The following PTPRO variants were observed in gnomAD, a reference collection of about 807,000 sequenced individuals.
PTPRO encodes the protein protein tyrosine phosphatase receptor type O, also known as receptor-type tyrosine-protein phosphatase O.
A neutral mutation model predicts 145.2 loss-of-function variants in PTPRO; 62 were observed. That is an observed-to-expected ratio of 0.43 (90% CI 0.35 to 0.53). The LOEUF is 0.53. Among genes scored for constraint, PTPRO ranks in the 20% least tolerant of loss-of-function variants. PTPRO has a pLI of 0.01. For missense variants in PTPRO, 1,345 were observed against 1,482.7 expected, an observed-to-expected ratio of 0.91 and a Z score of 1.53; for synonymous variants, 565 against 514.7, an observed-to-expected ratio of 1.10 and a Z score of -1.32.
rs183029225 is a variant in PTPRO at position 15,574,128 on chromosome 12, T to C, written c.2829+4630T>C. Reference sequence around the variant, plus strand: ...TTGCAGATTGAAACTAATGTCTGGATTTATAGATACTACCAATACAGCCAT... The same window carrying C: ...TTGCAGATTGAAACTAATGTCTGGACTTATAGATACTACCAATACAGCCAT... On this transcript the variant is annotated intron_variant, in intron 19 of 26. Transcript: ENST00000281171. 1.2e-3 allele frequency among the ~76,000 whole-genome samples: 179 copies of C among 152,358 alleles called. 2 individuals are homozygous for C. In the East Asian group the frequency reaches 0.029, roughly 25 times the overall value.
At chr12:15,359,721 C>A (rs967615774) in intron 1 of PTPRO, among the ~76,000 whole-genome samples, 8 of 152,122 alleles carry the variant, frequency 5.3e-5, no homozygotes, top group Non-Finnish European at 8.8e-5. Flanking sequence ...AGCCACCGCA[C>A]CAGGCCATTG....
chr12:15,530,998 A>G (rs1942951842), intron 12 of PTPRO, among the ~76,000 whole-genome samples: 1 of 152,102 alleles, frequency 6.6e-6, no homozygotes, highest in Admixed American at 6.6e-5. Flanking sequence ...AAAAGAGAGA[A>G]GACCCAAAGA....
intron 15 of PTPRO, 62 bp from the exon 16 acceptor site, chr12:15,557,393 T>C: frequency 7.2e-7 from 1 of 1,390,734 alleles, no homozygotes. Flanking sequence ...TCTTTACTTT[T>C]AGGTCAACGT....
At chr12:15,353,203 C>G (rs1228996080) in intron 1 of PTPRO, among the ~76,000 whole-genome samples, 1 of 152,114 alleles carries the variant, frequency 6.6e-6, no homozygotes, top group African/African-American at 2.4e-5. Context: ...CACCCACCTA[C>G]CCACTCATCT....
chr12:15,412,369 G>A (rs1345317581), intron 1 of PTPRO, among the ~76,000 whole-genome samples: 1 of 152,206 alleles, frequency 6.6e-6, no homozygotes, highest in African/African-American at 2.4e-5. Context: ...TTAAAATGCT[G>A]TAAAATAAAA....
chr12:15,369,977 G>A (rs551685676), intron 1 of PTPRO, among the ~76,000 whole-genome samples: 99 of 152,178 alleles, frequency 6.5e-4, no homozygotes, highest in African/African-American at 2.0e-3. Context: ...GCTTGAACCC[G>A]GGAAGTGGAG....
At chr12:15,511,842 G>A (rs1396920199) in intron 7 of PTPRO, among the ~76,000 whole-genome samples, 3 of 152,164 alleles carry the variant, frequency 2.0e-5, no homozygotes, top group African/African-American at 7.2e-5. Context: ...GGGATTACAG[G>A]CGTGAGCCAC....
At chr12:15,333,469 T>TCC (rs1473288846) in intron 1 of PTPRO, among the ~76,000 whole-genome samples, 1 of 152,206 alleles carries the variant, frequency 6.6e-6, no homozygotes, top group Non-Finnish European at 1.5e-5. Context: ...TATGGTAATG[T>TCC]CCAGTGAACA....
At chr12:15,583,203 T>A (rs558883709) in intron 23 of PTPRO, among the ~76,000 whole-genome samples, 7 of 152,204 alleles carry the variant, frequency 4.6e-5, no homozygotes, top group African/African-American at 1.7e-4. Context: ...AAAAGACAAC[T>A]GAGTATGGTG....
At chr12:15,452,348 CA>C (rs1299235082) in intron 1 of PTPRO, among the ~76,000 whole-genome samples, 5 of 150,974 alleles carry the variant, frequency 3.3e-5, no homozygotes, top group Non-Finnish European at 4.4e-5. Flanking sequence ...TGAAATGGTA[CA>C]AAAAAAAATT....
In PTPRO at chr12:15,544,412, G is replaced by A. The variant is rs146337176; in HGVS notation, c.2165-2157G>A. Among the ~76,000 whole-genome samples, 630 of 147,102 alleles carry A rather than the reference G, an allele frequency of 4.3e-3. 5 individuals are homozygous for A. Among genetic ancestry groups the A allele is most frequent in the African/African-American group, 0.015 (603 of 39,980 alleles). On this transcript the variant is annotated intron_variant, in intron 12 of 26. Transcript: ENST00000281171. ...CTCAGCTACTCAGGAGGCTGAGGCAGGAGAATTTTTTGAACCCGGGAGGCA... is the reference window on the plus strand; with the variant it reads ...CTCAGCTACTCAGGAGGCTGAGGCAAGAGAATTTTTTGAACCCGGGAGGCA...
At chr12:15,585,761 T>A (rs930695543) in intron 23 of PTPRO, among the ~76,000 whole-genome samples, 3 of 152,160 alleles carry the variant, frequency 2.0e-5, no homozygotes, top group African/African-American at 7.2e-5. Context: ...GAGGGATGAA[T>A]CAGACCTTTA....
intron 1 of PTPRO, among the ~76,000 whole-genome samples, chr12:15,360,698 T>C (rs1938148360): frequency 6.6e-6 from 1 of 151,532 alleles, no homozygotes; most frequent in Non-Finnish European, 1.5e-5. Flanking sequence ...TATATTTATA[T>C]GTGTTTAAAC....
chr12:15,543,974 G>A (rs1943227593), intron 12 of PTPRO, among the ~76,000 whole-genome samples: 1 of 152,184 alleles, frequency 6.6e-6, no homozygotes, highest in Non-Finnish European at 1.5e-5. Flanking sequence ...TGGATAGCAT[G>A]CAGCCAGTTT....
intron 2 of PTPRO, among the ~76,000 whole-genome samples, chr12:15,484,622 G>T (rs956468680): frequency 9.9e-5 from 15 of 152,046 alleles, no homozygotes; most frequent in African/African-American, 2.9e-4. Flanking sequence ...TCAGTTTGGG[G>T]ACAATGAACT....
rs1940612733 is a variant in PTPRO, at chr12:15,436,962, C to T, written c.76-47012C>T. Among the ~76,000 whole-genome samples the T allele has an allele frequency of 2.0e-5, 3 of 152,144 alleles. No individual in the cohort carries two copies. In the South Asian group the frequency reaches 6.2e-4, roughly 32 times the overall value. ...CAATCTGGAACTGATCTGTGTGTGCCATTGCTGAGTGCCCCATCCTCCTCC... is the reference window on the plus strand; with the variant it reads ...CAATCTGGAACTGATCTGTGTGTGCTATTGCTGAGTGCCCCATCCTCCTCC... On this transcript the variant is annotated intron_variant, in intron 1 of 26. Transcript: ENST00000281171.
At chr12:15,330,271 T>C (rs145057016) in intron 1 of PTPRO, among the ~76,000 whole-genome samples, 2 of 152,256 alleles carry the variant, frequency 1.3e-5, no homozygotes, top group Non-Finnish European at 2.9e-5. Context: ...TGACAGACAG[T>C]CAAAGAGTGG....
At chr12:15,540,216 G>A (rs186676315) in intron 12 of PTPRO, among the ~76,000 whole-genome samples, 19 of 152,312 alleles carry the variant, frequency 1.2e-4, no homozygotes, top group African/African-American at 4.6e-4. Context: ...TTACATTGCA[G>A]ATGCTTCCTT....
chr12:15,526,026 C>T, intron 11 of PTPRO, 116 bp from the exon 12 acceptor site: 1 of 1,299,690 alleles, frequency 7.7e-7, no homozygotes. Flanking sequence ...TAATCAATTG[C>T]AGACTGCTGC....
Sources: allele counts gnomAD v4.1 joint callset (sites outside exome capture counted in the v4.1 genomes callset), GRCh38; gene constraint gnomAD v4.1.1; transcripts MANE v1.5; gene names NCBI Gene and HGNC (gene_info 2026-07-23, HGNC 2026-07-21).